LEPR: variants seen among roughly 807,000 people sequenced by gnomAD.
LEPR encodes the protein OB receptor.
In LEPR, 56 loss-of-function variants were observed where a neutral mutation model predicts 114.7. That is an observed-to-expected ratio of 0.49 (90% CI 0.39 to 0.61). The LOEUF is 0.61. Ranked by LOEUF, LEPR falls within the 20% of genes least tolerant of loss-of-function variation. LEPR has a pLI of 0.00. For missense variants in LEPR, 1,202 were observed against 1,352.9 expected (o/e 0.89, Z 1.75); for synonymous variants, 443 against 461.4 (o/e 0.96, Z 0.51).
chr1:65,510,319 C>G (rs1038941497), intron 2 of LEPR, among the ~76,000 whole-genome samples: 5 of 152,140 alleles, frequency 3.3e-5, no homozygotes, highest in African/African-American at 1.2e-4. Context: ...AAAAATGTAG[C>G]TACAATTAGC....
rs532294036 is a variant in LEPR at position 65,617,972 on chromosome 1, G to A, written c.2221G>A (p.Val741Met). The A allele has an allele frequency of 4.4e-5, 71 of 1,607,062 alleles. No homozygotes were observed. Among genetic ancestry groups the A allele is most frequent in the Middle Eastern group, 3.3e-4 (2 of 5,986 alleles). Reference sequence around the variant, plus strand: ...CCTTCTTTTCCCCTCAGTAAATATCGTGCAGTCACTCAGTGCTTATCCTTT... The same window carrying A: ...CCTTCTTTTCCCCTCAGTAAATATCATGCAGTCACTCAGTGCTTATCCTTT... ...FSWPMSKVNIVQSLSAYPLNS... is the reference protein window; with the variant it reads ...FSWPMSKVNIMQSLSAYPLNS... The change falls in exon 16 of 20, where the codon GTG becomes ATG. Residue 741 changes from valine to methionine, a missense_variant. Val to Met is a conservative substitution (Grantham distance 21). Transcript: ENST00000349533.
chr1:65,612,895 C>T (rs1450048342), intron 14 of LEPR, among the ~76,000 whole-genome samples: 2 of 152,124 alleles, frequency 1.3e-5, no homozygotes, highest in South Asian at 2.1e-4. Context: ...TAACCTTGCT[C>T]GTCTGGCTGA....
intron 2 of LEPR, among the ~76,000 whole-genome samples, chr1:65,471,043 A>G (rs1647077027): frequency 6.6e-6 from 1 of 152,242 alleles, no homozygotes; most frequent in South Asian, 2.1e-4. Flanking sequence ...GTGGCAGTAA[A>G]GAAAGACAAT....
chr1:65,509,173 T>G (rs1218935317), intron 2 of LEPR, among the ~76,000 whole-genome samples: 1 of 152,128 alleles, frequency 6.6e-6, no homozygotes, highest in African/African-American at 2.4e-5. Context: ...TTTGGATGCC[T>G]TTTACTTCTT....
At position 65,488,513 on chromosome 1, in the gene LEPR, G is replaced by A. The variant is rs1647698910; in HGVS notation, c.-21+63135G>A. On this transcript the variant is annotated intron_variant, in intron 2 of 19. Transcript: ENST00000349533. ...TACCTGGCTAATTTTTGTATTTTTTGAGACAGGGTTTTCTTATGTTGCCCA... is the reference window on the plus strand; with the variant it reads ...TACCTGGCTAATTTTTGTATTTTTTAAGACAGGGTTTTCTTATGTTGCCCA... 2.6e-5 allele frequency among the ~76,000 whole-genome samples: 4 copies of A among 151,056 alleles called. No individual in the cohort carries two copies. In the South Asian group the frequency reaches 8.4e-4, roughly 32 times the overall value.
chr1:65,528,970 AT>A lies in LEPR; in HGVS notation c.-20-36560del, dbSNP rs370963043. Reference sequence around the variant, plus strand: ...CAGGCGTGTGCCTCCACACCTGGCTATTTTTTTTTTTTTTTTGTATTTTTAG... The same window carrying A: ...CAGGCGTGTGCCTCCACACCTGGCTATTTTTTTTTTTTTTTGTATTTTTAG... On this transcript the variant is annotated intron_variant, in intron 2 of 19. Transcript: ENST00000349533. 4.0e-3 allele frequency among the ~76,000 whole-genome samples: 577 copies of A among 142,680 alleles called. 6 individuals carry two copies. Among genetic ancestry groups the A allele is most frequent in the African/African-American group, 0.012 (462 of 38,754 alleles). 93.6% of individuals were successfully genotyped at this position (142,680 alleles called of 152,430 possible).
intron 2 of LEPR, among the ~76,000 whole-genome samples, chr1:65,551,068 A>C (rs567347541): frequency 1.3e-5 from 2 of 152,164 alleles, no homozygotes; most frequent in East Asian, 3.9e-4. Context: ...GATGAAGCCG[A>C]CTTCATCGTG....
At chr1:65,512,874 T>C (rs915433258) in intron 2 of LEPR, among the ~76,000 whole-genome samples, 1 of 152,192 alleles carries the variant, frequency 6.6e-6, no homozygotes, top group Non-Finnish European at 1.5e-5. Flanking sequence ...AAGCCACGCT[T>C]TCTGATCATC....
At chr1:65,424,775 C>A (rs549818515) in intron 1 of LEPR, among the ~76,000 whole-genome samples, 1 of 152,284 alleles carries the variant, frequency 6.6e-6, no homozygotes, top group South Asian at 2.1e-4. Context: ...GAGAGAAACA[C>A]AGAGAGAGTG....
At chr1:65,613,541 C>A (rs1657316368) in intron 14 of LEPR, among the ~76,000 whole-genome samples, 1 of 98,524 alleles carries the variant, frequency 1.0e-5, no homozygotes, top group African/African-American at 3.4e-5. Flanking sequence ...ATCACGAGGT[C>A]AGGAGATCGA....
chr1:65,491,691 G>A (rs1219019562), intron 2 of LEPR, among the ~76,000 whole-genome samples: 2 of 152,110 alleles, frequency 1.3e-5, no homozygotes, highest in South Asian at 2.1e-4. Flanking sequence ...ACAGTGGGGA[G>A]TATGTAGATC....
At chr1:65,597,646 A>G (rs1354132240) in intron 7 of LEPR, among the ~76,000 whole-genome samples, 1 of 152,132 alleles carries the variant, frequency 6.6e-6, no homozygotes, top group Non-Finnish European at 1.5e-5. Flanking sequence ...AGAGGCCAGC[A>G]GGGGAAGAGA....
At chr1:65,589,521 G>A (rs1338437048) in intron 5 of LEPR, among the ~76,000 whole-genome samples, 1 of 150,942 alleles carries the variant, frequency 6.6e-6, no homozygotes, top group African/African-American at 2.5e-5. Context: ...TTTTACTTAT[G>A]TTTTCTTCTA....
At chr1:65,588,434 C>A (rs1248756032) in intron 5 of LEPR, among the ~76,000 whole-genome samples, 2 of 151,802 alleles carry the variant, frequency 1.3e-5, no homozygotes, top group African/African-American at 2.4e-5. Context: ...ATATAATAAG[C>A]TGTACATATT....
chr1:65,622,463 G>T (rs1339821361), intron 18 of LEPR, among the ~76,000 whole-genome samples: 1 of 152,064 alleles, frequency 6.6e-6, no homozygotes, highest in Non-Finnish European at 1.5e-5. Context: ...AGTCCAGTGT[G>T]GTTATTTTAC....
chr1:65,423,663 CAT>C (rs139530250), intron 1 of LEPR, among the ~76,000 whole-genome samples: 2,038 of 152,264 alleles, frequency 0.013, 52 homozygotes, highest in African/African-American at 0.047. Flanking sequence ...TGTCCCTTAA[CAT>C]GTGTATACTT....
chr1:65,606,121 G>A (rs1317934877), intron 11 of LEPR, among the ~76,000 whole-genome samples: 2 of 152,018 alleles, frequency 1.3e-5, no homozygotes. Context: ...ATACACATTT[G>A]AATTAAAACC....
chr1:65,469,101 T>G (rs1287796314), intron 2 of LEPR, among the ~76,000 whole-genome samples: 5 of 152,198 alleles, frequency 3.3e-5, no homozygotes, highest in Admixed American at 6.5e-5. Context: ...CAATCTGTGT[T>G]GAAGGAAATG....
intron 19 of LEPR, among the ~76,000 whole-genome samples, chr1:65,632,415 G>A (rs1658560209): frequency 6.6e-6 from 1 of 152,168 alleles, no homozygotes; most frequent in Non-Finnish European, 1.5e-5. Flanking sequence ...CCAGGAGAGA[G>A]TATAAATTAA....
Sources: gnomAD v4.1 joint callset for allele counts (sites outside exome capture counted in the v4.1 genomes callset) on GRCh38, gnomAD v4.1.1 for gene constraint, MANE v1.5 for transcripts, NCBI Gene and HGNC (gene_info 2026-07-23, HGNC 2026-07-21) for gene names.